The following NRCAM variants were observed in gnomAD, a reference collection of about 807,000 sequenced individuals.
The protein encoded by NRCAM is neuronal cell adhesion molecule.
Under a neutral mutation model 156.5 loss-of-function variants are expected in NRCAM, and 83 were observed. That is an observed-to-expected ratio of 0.53 (90% confidence interval 0.44 to 0.64). The LOEUF is 0.64. NRCAM is among the 30% of genes least tolerant of loss of function. The pLI is 0.00. For missense variants in NRCAM, 1,417 were observed against 1,597.3 expected (o/e 0.89, Z 1.92); for synonymous variants, 538 against 563.9 (o/e 0.95, Z 0.65).
rs190895439 is a variant in NRCAM at position 108,350,130 on chromosome 7, C to G, written c.-173-37399G>C. 5.5e-3 allele frequency among the ~76,000 whole-genome samples: 843 copies of G among 152,336 alleles called. 3 individuals carry two copies. The highest frequency in any genetic ancestry group is 0.01 in the Non-Finnish European group (709 of 68,038). ...TACCTATGCTTCAATCCTCAACATT[C>G]AGGTTTCTGCTCAAATGTCACTTTC... On this transcript the variant is annotated intron_variant, in intron 2 of 32. Transcript: ENST00000379028.
chr7:108,443,911 C>G (rs149066004), intron 1 of NRCAM, among the ~76,000 whole-genome samples: 1,061 of 64,726 alleles, frequency 0.016, 12 homozygotes, highest in African/African-American at 0.046. Flanking sequence ...TACATACATA[C>G]ATACATACAT....
chr7:108,422,611 T>C (rs747626916), intron 1 of NRCAM, among the ~76,000 whole-genome samples: 1 of 152,126 alleles, frequency 6.6e-6, no homozygotes, highest in Non-Finnish European at 1.5e-5. Context: ...TTTTAAAGTA[T>C]AATGGGGTTT....
intron 3 of NRCAM, among the ~76,000 whole-genome samples, chr7:108,289,963 CCTT>C (rs959135342): frequency 5.3e-5 from 8 of 152,056 alleles, no homozygotes; most frequent in Non-Finnish European, 8.8e-5. Context: ...CTGTGAGTCT[CCTT>C]CTTTTCAAAA....
intron 1 of NRCAM, among the ~76,000 whole-genome samples, chr7:108,413,170 C>A (rs796773406): frequency 4.2e-5 from 6 of 143,678 alleles, no homozygotes; most frequent in African/African-American, 1.2e-4. Flanking sequence ...GTTCTCTTTT[C>A]TCCACATCCT....
intron 2 of NRCAM, among the ~76,000 whole-genome samples, chr7:108,313,580 G>T (rs2098834876): frequency 6.6e-6 from 1 of 152,140 alleles, no homozygotes. Context: ...GTTAATAAAA[G>T]ATGCTTAATA....
chr7:108,452,568 G>T (rs537545572), intron 1 of NRCAM, among the ~76,000 whole-genome samples: 1 of 152,178 alleles, frequency 6.6e-6, no homozygotes, highest in Non-Finnish European at 1.5e-5. Flanking sequence ...TGCCAGGAAG[G>T]TTCCTGGAAG....
chr7:108,396,928 A>G (rs1449534909), intron 2 of NRCAM, among the ~76,000 whole-genome samples: 1 of 152,230 alleles, frequency 6.6e-6, no homozygotes, highest in African/African-American at 2.4e-5. Flanking sequence ...ATTAAAAACT[A>G]TAAAATTTAA....
At chr7:108,350,597 T>C (rs1489493274) in intron 2 of NRCAM, among the ~76,000 whole-genome samples, 1 of 152,206 alleles carries the variant, frequency 6.6e-6, no homozygotes, top group Non-Finnish European at 1.5e-5. Context: ...TGGTTACCTT[T>C]CATTATTTTG....
chr7:108,371,454 G>T (rs2154342043), intron 2 of NRCAM, among the ~76,000 whole-genome samples: 1 of 152,232 alleles, frequency 6.6e-6, no homozygotes, highest in Admixed American at 6.6e-5. Context: ...TCCACACTAA[G>T]GGCATGCTAT....
At chr7:108,253,169 A>AG (rs1389955223) in intron 3 of NRCAM, among the ~76,000 whole-genome samples, 1 of 152,304 alleles carries the variant, frequency 6.6e-6, no homozygotes, top group Non-Finnish European at 1.5e-5. Flanking sequence ...TTTAGATGCT[A>AG]GGGGGGATTC....
intron 2 of NRCAM, among the ~76,000 whole-genome samples, chr7:108,330,091 A>G (rs1282199533): frequency 6.6e-6 from 1 of 152,188 alleles, no homozygotes; most frequent in Non-Finnish European, 1.5e-5. Context: ...CAGGTTAGAC[A>G]CTATGATTTA....
chr7:108,327,075 C>T (rs2099076924), intron 2 of NRCAM, among the ~76,000 whole-genome samples: 2 of 152,154 alleles, frequency 1.3e-5, no homozygotes, highest in Non-Finnish European at 2.9e-5. Flanking sequence ...GTTGCCAGAG[C>T]CTTCCTATTA....
intron 2 of NRCAM, among the ~76,000 whole-genome samples, chr7:108,353,663 T>G (rs2099448397): frequency 1.3e-5 from 2 of 152,222 alleles, no homozygotes; most frequent in South Asian, 4.1e-4. Context: ...TCCTTGCTAC[T>G]AGAATAAAGT....
At chr7:108,291,688 G>C (rs2098295075) in intron 3 of NRCAM, among the ~76,000 whole-genome samples, 1 of 152,156 alleles carries the variant, frequency 6.6e-6, no homozygotes, top group Non-Finnish European at 1.5e-5. Context: ...GAGAACAGGA[G>C]AGGAAGAGAG....
At chr7:108,212,859 G>C (rs955374383) in intron 11 of NRCAM, among the ~76,000 whole-genome samples, 2 of 152,174 alleles carry the variant, frequency 1.3e-5, no homozygotes, top group African/African-American at 4.8e-5. Context: ...TTCTGGCCTT[G>C]CTAGGGACCT....
intron 7 of NRCAM, 54 bp downstream of exon 7, chr7:108,232,272 G>A (rs1272479876): frequency 1.5e-6 from 2 of 1,302,130 alleles, no homozygotes; most frequent in Admixed American, 4.2e-5. Flanking sequence ...CAGAAGCTGA[G>A]TCTTGGAGCA....
intron 2 of NRCAM, among the ~76,000 whole-genome samples, chr7:108,323,280 C>T (rs1231266724): frequency 1.3e-5 from 2 of 152,156 alleles, no homozygotes; most frequent in Non-Finnish European, 2.9e-5. Context: ...CTTTGAAAAT[C>T]GTTACTTTGG....
At chr7:108,404,453 C>T (rs1031935211) in intron 1 of NRCAM, among the ~76,000 whole-genome samples, 14 of 152,050 alleles carry the variant, frequency 9.2e-5, no homozygotes, top group South Asian at 2.1e-4. Context: ...ATACTGAAAA[C>T]GTCGTTTTTC....
chr7:108,418,070 C>A (rs1165380554), intron 1 of NRCAM, among the ~76,000 whole-genome samples: 1 of 152,028 alleles, frequency 6.6e-6, no homozygotes, highest in Non-Finnish European at 1.5e-5. Context: ...TACATCATGC[C>A]CACAGAAGCA....
Sources: gnomAD v4.1 joint callset for allele counts (sites outside exome capture counted in the v4.1 genomes callset) on GRCh38, gnomAD v4.1.1 for gene constraint, MANE v1.5 for transcripts, NCBI Gene and HGNC (gene_info 2026-07-23, HGNC 2026-07-21) for gene names.